The following ATXN1 variants were observed in gnomAD, a reference collection of about 807,000 sequenced individuals.
The protein encoded by ATXN1 is ataxin 1.
In ATXN1, 8 loss-of-function variants were observed where a neutral mutation model predicts 56.4. The ratio of observed to expected loss-of-function variants is 0.14; its 90% CI spans 0.08 to 0.26. The LOEUF (loss-of-function observed/expected upper bound fraction) is 0.26. Ranked by LOEUF, ATXN1 falls within the 10% of genes least tolerant of loss-of-function variation. ATXN1 has a pLI of 1.00. For synonymous variants in ATXN1, 514 were observed against 494.6 expected, an observed-to-expected ratio of 1.04 and a Z score of -0.52; for missense variants, 987 against 1,106.5, an observed-to-expected ratio of 0.89 and a Z score of 1.53.
At chr6:16,405,852 G>A (rs1561883848) in intron 6 of ATXN1, among the ~76,000 whole-genome samples, 3 of 152,024 alleles carry the variant, frequency 2.0e-5, no homozygotes, top group East Asian at 1.9e-4. Flanking sequence ...ATTTACTGGC[G>A]GTGAAAGAAA....
At chr6:16,457,411 T>C (rs993919003) in intron 6 of ATXN1, among the ~76,000 whole-genome samples, 4 of 147,412 alleles carry the variant, frequency 2.7e-5, no homozygotes, top group African/African-American at 1.0e-4. Flanking sequence ...CTGCAGGCGG[T>C]TTTTTCTTTC....
At chr6:16,642,530 C>T (rs1581323576) in intron 3 of ATXN1, among the ~76,000 whole-genome samples, 1 of 152,208 alleles carries the variant, frequency 6.6e-6, no homozygotes, top group Admixed American at 6.5e-5. Context: ...GATGCAGTGA[C>T]AGGTTTGAGA....
intron 2 of ATXN1, among the ~76,000 whole-genome samples, chr6:16,732,007 C>T (rs1038175771): frequency 2.6e-5 from 4 of 152,080 alleles, no homozygotes; most frequent in South Asian, 2.1e-4. Context: ...GCTTTTAAAC[C>T]GGCAACACTC....
At position 16,606,584 on chromosome 6, in the gene ATXN1, G is replaced by A. The variant is rs139999045; in HGVS notation, c.-488-20677C>T. Among the ~76,000 whole-genome samples, 1,346 of 151,216 alleles carry A rather than the reference G, an allele frequency of 8.9e-3. 16 individuals are homozygous for A. Among genetic ancestry groups the A allele is most frequent in the African/African-American group, 0.03 (1,232 of 41,196 alleles). Reference sequence around the variant, plus strand: ...TGCTCTGTCGCCCAGGCTGGAGTCCGGTGGTGCGATCTCGGCTCACTGTGA... The same window carrying A: ...TGCTCTGTCGCCCAGGCTGGAGTCCAGTGGTGCGATCTCGGCTCACTGTGA... On this transcript the variant is annotated intron_variant, in intron 3 of 7. Coordinates refer to ENST00000436367, the MANE Select transcript of ATXN1 (RefSeq NM_001128164.2).
At chr6:16,476,364 C>A (rs181642098) in intron 6 of ATXN1, among the ~76,000 whole-genome samples, 1 of 152,204 alleles carries the variant, frequency 6.6e-6, no homozygotes, top group East Asian at 1.9e-4. Flanking sequence ...AAAAAGCAAC[C>A]ATCAAACCCA....
intron 2 of ATXN1, among the ~76,000 whole-genome samples, chr6:16,683,885 G>A (rs1581362559): frequency 6.6e-6 from 1 of 152,206 alleles, no homozygotes; most frequent in East Asian, 1.9e-4. Context: ...CAGGGGTTGA[G>A]GTCACACATC....
intron 6 of ATXN1, among the ~76,000 whole-genome samples, chr6:16,345,645 G>A (rs1761365343): frequency 6.6e-6 from 1 of 152,158 alleles, no homozygotes; most frequent in Non-Finnish European, 1.5e-5. Context: ...CCAGCAAGTG[G>A]GAAGCCTACT....
chr6:16,399,516 C>A (rs564684354), intron 6 of ATXN1, among the ~76,000 whole-genome samples: 22 of 152,282 alleles, frequency 1.4e-4, no homozygotes, highest in African/African-American at 5.3e-4. Context: ...GTGTTGCGTT[C>A]CAAGCATATC....
intron 2 of ATXN1, among the ~76,000 whole-genome samples, chr6:16,669,554 T>TC (rs1352829340): frequency 6.6e-6 from 1 of 152,148 alleles, no homozygotes. Flanking sequence ...CTTGGTGTGC[T>TC]CTACTACAAA....
chr6:16,521,656 T>C (rs1010405625), intron 5 of ATXN1, among the ~76,000 whole-genome samples: 39 of 152,366 alleles, frequency 2.6e-4, no homozygotes, highest in Non-Finnish European at 1.0e-4. Flanking sequence ...CTGTTAGCCA[T>C]TCTTCTGCAG....
intron 2 of ATXN1, among the ~76,000 whole-genome samples, chr6:16,660,421 T>C (rs1758292375): frequency 6.6e-6 from 1 of 152,222 alleles, no homozygotes; most frequent in Admixed American, 6.5e-5. Flanking sequence ...GAAAATTTTC[T>C]GAACAGTTAT....
intron 2 of ATXN1, among the ~76,000 whole-genome samples, chr6:16,693,842 G>A (rs1759100120): frequency 6.6e-6 from 1 of 152,168 alleles, no homozygotes; most frequent in African/African-American, 2.4e-5. Context: ...GTAACTGGAA[G>A]CCTCTCCTCA....
rs1279143977 is a variant in ATXN1, at chr6:16,301,374, C to G, written c.*4955G>C. 1 of 152,548 alleles carries G rather than the reference C, an allele frequency of 6.6e-6. No homozygotes were observed. The highest frequency in any genetic ancestry group is 1.5e-5 in the Non-Finnish European group (1 of 68,032). 9.4% of individuals were successfully genotyped at this position (152,548 alleles called of 1,614,324 possible). On this transcript the variant is annotated 3_prime_UTR_variant, in exon 8 of 8. Coordinates refer to ENST00000436367, the MANE Select transcript of ATXN1 (RefSeq NM_001128164.2). ...CATCTATGTAAAAGAAATCTCAGCT[C>G]CGGAGTAGAGGTGTGCAAGTTGTTT...
At chr6:16,527,432 G>A (rs1032036576) in intron 4 of ATXN1, among the ~76,000 whole-genome samples, 1 of 152,176 alleles carries the variant, frequency 6.6e-6, no homozygotes, top group Non-Finnish European at 1.5e-5. Context: ...ACACATAGCA[G>A]CAGCAAAGAA....
intron 2 of ATXN1, among the ~76,000 whole-genome samples, chr6:16,732,322 G>A (rs1760008105): frequency 6.6e-6 from 1 of 152,140 alleles, no homozygotes; most frequent in Admixed American, 6.5e-5. Flanking sequence ...TGTAATCCCA[G>A]CACTTTAGGA....
intron 2 of ATXN1, among the ~76,000 whole-genome samples, chr6:16,726,086 AG>A (rs1421842561): frequency 6.6e-6 from 1 of 152,206 alleles, no homozygotes; most frequent in Non-Finnish European, 1.5e-5. Flanking sequence ...GAACTGTAAG[AG>A]GGAGGGGTTC....
intron 6 of ATXN1, among the ~76,000 whole-genome samples, chr6:16,357,572 G>T (rs1475402207): frequency 6.6e-6 from 1 of 152,126 alleles, no homozygotes; most frequent in African/African-American, 2.4e-5. Flanking sequence ...GCCTGGCCAA[G>T]ACATTTTAAT....
intron 6 of ATXN1, among the ~76,000 whole-genome samples, chr6:16,450,742 G>A (rs1041810526): frequency 9.2e-5 from 14 of 152,182 alleles, no homozygotes; most frequent in African/African-American, 3.4e-4. Flanking sequence ...AAATGCTGAT[G>A]AGGCTGCTCC....
intron 2 of ATXN1, among the ~76,000 whole-genome samples, chr6:16,659,592 A>G (rs1758276575): frequency 6.6e-6 from 1 of 152,218 alleles, no homozygotes; most frequent in Non-Finnish European, 1.5e-5. Flanking sequence ...AGGGAGGTTG[A>G]CATACCTCTT....
Sources: gnomAD v4.1 joint callset for allele counts (sites outside exome capture counted in the v4.1 genomes callset) on GRCh38, gnomAD v4.1.1 for gene constraint, MANE v1.5 for transcripts, NCBI Gene and HGNC (gene_info 2026-07-23, HGNC 2026-07-21) for gene names.